Variants in ARHGAP15 observed in about 807,000 individuals in gnomAD.
ARHGAP15 encodes Rho GTPase activating protein 15, also known as rho GTPase-activating protein 15.
A neutral mutation model predicts 63.7 loss-of-function variants in ARHGAP15; 51 were observed. The ratio of observed to expected loss-of-function variants is 0.80; its 90% confidence interval spans 0.64 to 1.01. The LOEUF is 1.01. Ranked by LOEUF, ARHGAP15 falls within the 50% of genes least tolerant of loss-of-function variation. The pLI, the probability that ARHGAP15 is intolerant of heterozygous loss-of-function variation, is 0.00. For synonymous variants in ARHGAP15, 191 were observed against 193.8 expected (o/e 0.99, Z 0.12); for missense variants, 560 against 564.6 (o/e 0.99, Z 0.08).
chr2:143,281,056 A>G (rs1273971155), intron 6 of ARHGAP15, among the ~76,000 whole-genome samples: 1 of 152,168 alleles, frequency 6.6e-6, no homozygotes, highest in Non-Finnish European at 1.5e-5. Context: ...TCCTTAAAAC[A>G]TCACTAAGAC....
chr2:143,754,988 T>C (rs185972516), intron 13 of ARHGAP15, among the ~76,000 whole-genome samples: 9 of 152,290 alleles, frequency 5.9e-5, no homozygotes, highest in East Asian at 1.9e-4. Flanking sequence ...TGACTGAACA[T>C]TGGGGAAAGA....
At chr2:143,241,095 C>G (rs1010993114) in intron 5 of ARHGAP15, among the ~76,000 whole-genome samples, 2 of 151,944 alleles carry the variant, frequency 1.3e-5, no homozygotes, top group African/African-American at 2.4e-5. Flanking sequence ...TTGCATTTCT[C>G]TAAGATAAAA....
At chr2:143,311,421 G>A (rs1348539445) in intron 6 of ARHGAP15, among the ~76,000 whole-genome samples, 1 of 151,904 alleles carries the variant, frequency 6.6e-6, no homozygotes, top group Non-Finnish European at 1.5e-5. Context: ...AGTCATTATG[G>A]ATGATTCATG....
At chr2:143,386,676 T>G (rs1020219172) in intron 6 of ARHGAP15, among the ~76,000 whole-genome samples, 1 of 152,178 alleles carries the variant, frequency 6.6e-6, no homozygotes. Context: ...AATGGCCAGC[T>G]TATAATATTG....
chr2:143,226,278 A>G (rs1289387910), intron 4 of ARHGAP15, among the ~76,000 whole-genome samples: 1 of 152,242 alleles, frequency 6.6e-6, no homozygotes, highest in Non-Finnish European at 1.5e-5. Context: ...CAAGTTCTAT[A>G]AATGATCAAC....
chr2:143,376,412 T>A (rs1686808430), intron 6 of ARHGAP15, among the ~76,000 whole-genome samples: 1 of 152,162 alleles, frequency 6.6e-6, no homozygotes, highest in Admixed American at 6.6e-5. Flanking sequence ...ATAGAATCAA[T>A]TCACTGCAGC....
intron 12 of ARHGAP15, among the ~76,000 whole-genome samples, chr2:143,665,846 G>A (rs1682141588): frequency 6.7e-6 from 1 of 148,868 alleles, no homozygotes; most frequent in Non-Finnish European, 1.5e-5. Flanking sequence ...AAATACCTAG[G>A]AATCCAACTT....
chr2:143,456,220 T>C (rs55914706), intron 8 of ARHGAP15, among the ~76,000 whole-genome samples: 14,500 of 152,100 alleles, frequency 0.095, 862 homozygotes, highest in African/African-American at 0.17. Context: ...ATAGTAAGTT[T>C]TCATTAAATG....
intron 12 of ARHGAP15, among the ~76,000 whole-genome samples, chr2:143,649,559 A>G (rs1040540320): frequency 6.6e-6 from 1 of 152,030 alleles, no homozygotes; most frequent in East Asian, 1.9e-4. Context: ...CAGCTTGCCC[A>G]TTTGTAGTTA....
At chr2:143,417,460 G>T (rs1166911682) in intron 6 of ARHGAP15, among the ~76,000 whole-genome samples, 1 of 152,154 alleles carries the variant, frequency 6.6e-6, no homozygotes, top group East Asian at 1.9e-4. Context: ...ACCTTGTTCT[G>T]TACTTGTCTG....
intron 13 of ARHGAP15, among the ~76,000 whole-genome samples, chr2:143,756,488 C>A (rs937318439): frequency 2.0e-5 from 3 of 152,004 alleles, no homozygotes; most frequent in African/African-American, 4.8e-5. Context: ...GCCTTTCTCC[C>A]CTAAATGCAG....
chr2:143,241,932 G>T (rs980801291), intron 5 of ARHGAP15, among the ~76,000 whole-genome samples: 1 of 152,192 alleles, frequency 6.6e-6, no homozygotes, highest in Non-Finnish European at 1.5e-5. Context: ...GAGAGAAAAG[G>T]GTCTGCAAGT....
intron 12 of ARHGAP15, among the ~76,000 whole-genome samples, chr2:143,663,646 T>A (rs1387928062): frequency 1.3e-5 from 2 of 152,092 alleles, no homozygotes; most frequent in Non-Finnish European, 1.5e-5. Flanking sequence ...TCAAGACCCA[T>A]CAGTGTGCTG....
At chr2:143,551,115 G>T (rs1574622461) in intron 10 of ARHGAP15, among the ~76,000 whole-genome samples, 1 of 152,102 alleles carries the variant, frequency 6.6e-6, no homozygotes, top group East Asian at 1.9e-4. Flanking sequence ...TTAATAAACA[G>T]AAATATGACA....
intron 7 of ARHGAP15, 150 bp from the exon 8 acceptor site, chr2:143,436,763 T>C (rs1405612132): frequency 3.0e-6 from 2 of 669,448 alleles, no homozygotes; most frequent in African/African-American, 3.7e-5. Context: ...TAAACTATTA[T>C]TAGAGTATTG....
chr2:143,438,721 A>G (rs1558971893), intron 8 of ARHGAP15, among the ~76,000 whole-genome samples: 2 of 152,174 alleles, frequency 1.3e-5, no homozygotes, highest in African/African-American at 2.4e-5. Context: ...ATGCCTGATC[A>G]TTGTCTTCTT....
intron 13 of ARHGAP15, among the ~76,000 whole-genome samples, chr2:143,740,121 A>T (rs150336143): frequency 2.0e-5 from 3 of 152,302 alleles, no homozygotes; most frequent in African/African-American, 7.2e-5. Context: ...TAAGCAAAAC[A>T]GAAAAAAAAA....
rs529200881 is a variant in ARHGAP15 at position 143,590,871 on chromosome 2, A to G, written c.1004-33262A>G. Among the ~76,000 whole-genome samples the G allele has an allele frequency of 2.6e-5, 4 of 152,226 alleles. No individual in the cohort carries two copies. In the East Asian group the frequency reaches 7.7e-4, roughly 29 times the overall value. ...GGATGTGTGCCATGTATAGCTGCAC[A>G]TTTTTTATCAAGTGGTGAGTATTCT... On this transcript the variant is annotated intron_variant, in intron 11 of 13. Coordinates refer to ENST00000295095, the MANE Select transcript of ARHGAP15 (RefSeq NM_018460.4).
intron 8 of ARHGAP15, among the ~76,000 whole-genome samples, chr2:143,483,426 T>C (rs1204294385): frequency 1.3e-5 from 2 of 152,226 alleles, no homozygotes; most frequent in Non-Finnish European, 2.9e-5. Flanking sequence ...TGGTATTCTA[T>C]CATGGGAAAT....
Sources: gnomAD v4.1 joint callset for allele counts (sites outside exome capture counted in the v4.1 genomes callset) on GRCh38, gnomAD v4.1.1 for gene constraint, MANE v1.5 for transcripts, NCBI Gene and HGNC (gene_info 2026-07-23, HGNC 2026-07-21) for gene names.